Variants in LRRC71 observed in about 807,000 individuals in gnomAD.
LRRC71 encodes leucine rich repeat containing 71.
A neutral mutation model predicts 66.6 loss-of-function variants in LRRC71; 54 were observed. The observed-to-expected ratio is 0.81, with a 90% CI of 0.65 to 1.02. LRRC71 has a LOEUF of 1.02. Among genes scored for constraint, LRRC71 ranks in the 50% least tolerant of loss-of-function variants. The probability of loss-of-function intolerance (pLI) is 0.00; values close to 1 mark genes in which losing one functional copy is unlikely to be tolerated. For missense variants in LRRC71, 724 were observed against 718.0 expected (o/e 1.01, Z -0.10); for synonymous variants, 323 against 303.9 (o/e 1.06, Z -0.65).
At chr1:156,924,621 C>T in intron 3 of LRRC71, 22 bp from the exon 4 acceptor site, 1 of 1,551,672 alleles carries the variant, frequency 6.4e-7, no homozygotes, top group Non-Finnish European at 8.7e-7. Context: ...GTCTGAGGCA[C>T]CTGCCTCCTC....
At chr1:156,924,609 A>G in intron 3 of LRRC71, 34 bp from the exon 4 acceptor site, 1 of 1,278,614 alleles carries the variant, frequency 7.8e-7, no homozygotes, top group African/African-American at 1.6e-5. Flanking sequence ...GGAGCCTCCC[A>G]GGTCTGAGGC....
downstream of LRRC71, chr1:156,937,224 G>A (rs775475279): frequency 1.9e-6 from 3 of 1,612,870 alleles, no homozygotes; most frequent in South Asian, 1.1e-5. Context: ...AAGGCCTGCA[G>A]GGACCCAAGC....
the LRRC71 span, chr1:156,938,834 A>G: frequency 5.8e-6 from 2 of 342,526 alleles, no homozygotes; most frequent in Non-Finnish European, 1.1e-5. Flanking sequence ...CTAGCGTGGA[A>G]CCCCATCCCA....
At chr1:156,938,650 G>T in the LRRC71 span, 1 of 677,184 alleles carries the variant, frequency 1.5e-6, no homozygotes, top group Non-Finnish European at 2.5e-6. Flanking sequence ...GTGAACACAA[G>T]ATCATACACG....
Position 156,932,512 on chromosome 1 carries a change from G to C in LRRC71, c.1530G>C (p.Lys510Asn), listed in dbSNP as rs375741441. 29 of 1,613,882 alleles carry C rather than the reference G, an allele frequency of 1.8e-5. No individual in the cohort carries two copies. The East Asian group carries it at 6.5e-4, about 36-fold the overall frequency. Residue 510 changes from lysine (K) to asparagine (N), a missense_variant, in exon 14 of 15, where the codon AAG (lysine) becomes AAC (asparagine). By Grantham distance (94) the Lys-to-Asn change is moderately conservative. Transcript: ENST00000337428. The part of the protein sequence containing the change: ...MQFSKAKSAS[K>N]GPVGLLWLSL... ...TCTCCAAGGCCAAGAGTGCATCCAAGGGTCCAGTGGGGCTGCTGTGGCTGT... is the reference window on the plus strand; with the variant it reads ...TCTCCAAGGCCAAGAGTGCATCCAACGGTCCAGTGGGGCTGCTGTGGCTGT...
downstream of LRRC71, among the ~76,000 whole-genome samples, chr1:156,933,712 G>A (rs1382336684): frequency 6.6e-6 from 1 of 152,218 alleles, no homozygotes; most frequent in Non-Finnish European, 1.5e-5. Flanking sequence ...CCTCCATTGA[G>A]GTCACCTGCC....
chr1:156,936,320 G>A (rs74857653), downstream of LRRC71: 1,869 of 634,602 alleles, frequency 2.9e-3, 24 homozygotes, highest in African/African-American at 0.028. Flanking sequence ...ACCCAGTGTG[G>A]TTCTGAATCA....
chr1:156,926,628 G>A (rs1653250696), intron 5 of LRRC71, among the ~76,000 whole-genome samples: 1 of 146,282 alleles, frequency 6.8e-6, no homozygotes, highest in East Asian at 2.0e-4. Flanking sequence ...AGACTAGAGT[G>A]CAGTGGCACA....
At chr1:156,927,313 G>C (rs1653352212) in intron 6 of LRRC71, 43 bp downstream of exon 6, 28 of 1,599,210 alleles carry the variant, frequency 1.8e-5, no homozygotes, top group Non-Finnish European at 2.4e-5. Context: ...GGCCTGTCTC[G>C]AAATTCCAAG....
chr1:156,932,871 C>T lies in LRRC71; in HGVS notation c.1582C>T (p.Gln528Ter). Residue 528 changes from glutamine (Q) to a stop codon, truncating the protein, a stop_gained, in exon 15 of 15, where the codon CAA becomes TAA. Coordinates refer to ENST00000337428, the MANE Select transcript of LRRC71 (RefSeq NM_144702.3). LOFTEE classifies it high-confidence loss of function. ...TTTTCAGAAAAATTGCTTCGCCCCA[C>T]AATGTCCTGCGTACGCCATAATCCA... The part of the protein sequence containing the change: ...LSLAKNCFAP[Q>*]CPAYAIIQEL... The T allele has an allele frequency of 1.2e-6, 2 of 1,609,610 alleles. No homozygotes were observed. The highest frequency in any genetic ancestry group is 1.7e-6 in the Non-Finnish European group (2 of 1,178,136).
At position 156,924,623 on chromosome 1, in the gene LRRC71, T is replaced by C; in HGVS notation, c.440-20T>C. On this transcript the variant is annotated intron_variant, in intron 3 of 14. Transcript: ENST00000337428. ...TGGAGCCTCCCAGGTCTGAGGCACC[T>C]GCCTCCTCTTGGCCCGCAGGTTGGA... The C allele has an allele frequency of 7.2e-7, 1 of 1,388,878 alleles. No homozygotes were observed. The highest frequency in any genetic ancestry group is 9.6e-7 in the Non-Finnish European group (1 of 1,044,158). The allele number at this position is 1,388,878 out of a possible 1,614,324, so 86.0% of individuals were successfully genotyped here.
At position 156,924,466 on chromosome 1, in the gene LRRC71, A is replaced by G. The variant is rs553358085; in HGVS notation, c.353A>G (p.Glu118Gly). 196 of 1,551,310 alleles carry G rather than the reference A, an allele frequency of 1.3e-4. No individual in the cohort carries two copies. The highest frequency in any genetic ancestry group is 1.6e-4 in the Non-Finnish European group (188 of 1,146,980). ...GGGTCCTGCAGCCTCAATAGCCTGG[A>G]GAGCAAATACGTGTTCTTCCGGCCC... ...LSGSCSLNSL[E>G]SKYVFFRPTI... Residue 118 changes from glutamate (E) to glycine (G), a missense_variant, in exon 3 of 15, where the codon GAG becomes GGG. Transcript: ENST00000337428.
chr1:156,926,888 C>G (rs977222235), intron 5 of LRRC71, among the ~76,000 whole-genome samples: 2 of 152,138 alleles, frequency 1.3e-5, no homozygotes, highest in African/African-American at 4.8e-5. Context: ...AAGTGAGTCA[C>G]TTCTAATGTG....
rs1184767194 is a variant in LRRC71, at chr1:156,924,734, G to A, written c.515+16G>A. 5 of 1,551,452 alleles carry A rather than the reference G, an allele frequency of 3.2e-6. No homozygotes were observed. The Admixed American group carries it at 7.8e-5, about 24-fold the overall frequency. ...AGGCCATCAAGTGAGAGGCACTGAG[G>A]GGATGGGCGGGGGACCAGAGTGGGA... On this transcript the variant is annotated intron_variant, in intron 4 of 14. Coordinates refer to ENST00000337428, the MANE Select transcript of LRRC71 (RefSeq NM_144702.3).
intron 1 of LRRC71, 43 bp from the exon 2 acceptor site, chr1:156,923,906 G>A (rs866866881): frequency 1.3e-5 from 18 of 1,421,070 alleles, no homozygotes; most frequent in Middle Eastern, 5.1e-4. Context: ...GGATGCGGGG[G>A]TGGGCGTGGC....
intron 9 of LRRC71, among the ~76,000 whole-genome samples, chr1:156,928,929 C>T (rs1260804258): frequency 6.6e-6 from 1 of 152,054 alleles, no homozygotes; most frequent in Non-Finnish European, 1.5e-5. Context: ...GATAGTTGTA[C>T]CTATTTCATG....
intron 1 of LRRC71, chr1:156,921,513 A>G (rs1345156188): frequency 1.9e-5 from 8 of 431,376 alleles, no homozygotes; most frequent in Non-Finnish European, 2.5e-5. Context: ...TCACGGGGAC[A>G]AGAACTTGCT....
the LRRC71 span, chr1:156,939,940 A>G: frequency 6.3e-7 from 1 of 1,595,510 alleles, no homozygotes; most frequent in Non-Finnish European, 8.5e-7. Flanking sequence ...ATGTCTTCCC[A>G]GCATGGGACT....
chr1:156,924,999 T>C lies in LRRC71; in HGVS notation c.577T>C (p.Cys193Arg), dbSNP rs368659530. ...CACCTTCATCGAGCTCCTGCCTCTC[T>C]GTTCATCCACGCTCAGGTCAGCAGA... The part of the protein sequence containing the change: ...LTTFIELLPL[C>R]SSTLRKVSLE... Residue 193 changes from cysteine (C) to arginine (R), a missense_variant, in exon 5 of 15, where the codon TGT becomes CGT. By Grantham distance (180) the Cys-to-Arg change is radical. Transcript: ENST00000337428. 21 of 1,551,624 alleles carry C rather than the reference T, an allele frequency of 1.4e-5. No individual in the cohort carries two copies. Among genetic ancestry groups the C allele is most frequent in the Admixed American group, 2.0e-5 (1 of 50,984 alleles).
Sources: gnomAD v4.1 joint callset for allele counts (sites outside exome capture counted in the v4.1 genomes callset) on GRCh38, gnomAD v4.1.1 for gene constraint, MANE v1.5 for transcripts, NCBI Gene and HGNC (gene_info 2026-07-23, HGNC 2026-07-21) for gene names.